Variants in WASHC2A observed in about 807,000 individuals in gnomAD.
WASHC2A encodes the protein WASH complex subunit FAM21A.
A neutral mutation model predicts 140.3 loss-of-function variants in WASHC2A; 82 were observed. The ratio of observed to expected loss-of-function variants is 0.58; its 90% CI spans 0.49 to 0.70. The LOEUF (loss-of-function observed/expected upper bound fraction) is 0.70, where lower values mean the gene tolerates loss of function less well. Among genes scored for constraint, WASHC2A ranks in the 30% least tolerant of loss-of-function variants. WASHC2A has a pLI of 0.00. For missense variants in WASHC2A, 985 were observed against 1,521.8 expected (o/e 0.65, Z 5.87); for synonymous variants, 340 against 560.8 (o/e 0.61, Z 5.56).
chr10:50,129,801 A>G lies in WASHC2A; in HGVS notation c.3470A>G (p.Asn1157Ser). ...AAACCCAAGGCAAAGATAGCAGAGA[A>G]TCCTGCCAACCCACCAGTGGGTGGT... is the stretch of plus-strand genomic sequence containing the variant. ...RTKPKAKIAE[N>S]PANPPVGGKA... Residue 1157 changes from asparagine to serine, a missense_variant, in exon 29 of 31, where the codon AAT becomes AGT. Coordinates refer to ENST00000282633, the MANE Select transcript of WASHC2A (RefSeq NM_001005751.3). 1 of 1,612,064 alleles carries G rather than the reference A, an allele frequency of 6.2e-7. No homozygotes were observed. The highest frequency in any genetic ancestry group is 8.5e-7 in the Non-Finnish European group (1 of 1,179,860).
At chr10:50,098,092 T>G (rs1840670809) in intron 16 of WASHC2A, among the ~76,000 whole-genome samples, 1 of 151,948 alleles carries the variant, frequency 6.6e-6, no homozygotes, top group South Asian at 2.1e-4. Context: ...ACTGTTTCCA[T>G]GTAGTCATTG....
Position 50,095,201 on chromosome 10 carries a change from T to G in WASHC2A, c.1234T>G (p.Phe412Val), listed in dbSNP as rs781836075. The change falls in exon 14 of 31, where the codon TTT becomes GTT. Residue 412 changes from phenylalanine to valine, a missense_variant. Transcript: ENST00000282633. ...KKIPAGAVSV[F>V]LGDTDVFGAA... is the part of the protein sequence containing the mutation. ...AATCCCAGCAGGAGCTGTTTCTGTA[T>G]TTTTAGGTAACATAACTTAGGTTTG... 110 of 1,581,892 alleles carry G rather than the reference T, an allele frequency of 7.0e-5. No individual in the cohort carries two copies. Among genetic ancestry groups the G allele is most frequent in the Admixed American group, 1.1e-4 (6 of 55,350 alleles).
At chr10:50,106,019 G>A (rs1841738335) in intron 18 of WASHC2A, among the ~76,000 whole-genome samples, 1 of 152,202 alleles carries the variant, frequency 6.6e-6, no homozygotes. Flanking sequence ...GAAATGAGCA[G>A]AGAGGCACTT....
chr10:50,104,169 A>T, intron 18 of WASHC2A, 26 bp downstream of exon 18: 38 of 1,542,328 alleles, frequency 2.5e-5, no homozygotes, highest in Non-Finnish European at 3.3e-5. Context: ...GTAACACTAG[A>T]TAATTTAGAT....
intron 23 of WASHC2A, among the ~76,000 whole-genome samples, chr10:50,124,536 A>C (rs1843259506): frequency 6.6e-6 from 1 of 152,212 alleles, no homozygotes; most frequent in Non-Finnish European, 1.5e-5. Context: ...CTAGTAAACA[A>C]AAAGGGACTC....
At chr10:50,121,239 A>C (rs1842993557) in intron 23 of WASHC2A, among the ~76,000 whole-genome samples, 1 of 150,382 alleles carries the variant, frequency 6.6e-6, no homozygotes, top group East Asian at 1.9e-4. Context: ...GATCTTTTAT[A>C]TAGAAAGTCT....
chr10:50,093,396 T>C lies in WASHC2A; in HGVS notation c.1122+10T>C. ...TGATGAGGACGAGGAGGTGAGTCCA[T>C]GGCACCCAGCAACACTCCCTGCAGC... is the stretch of plus-strand genomic sequence containing the variant. On this transcript the variant is annotated intron_variant, in intron 12 of 30. Transcript: ENST00000282633. 7.2e-7 allele frequency: 1 copy of C among 1,398,568 alleles called. No individual in the cohort carries two copies. 86.6% of individuals were successfully genotyped at this position (1,398,568 alleles called of 1,614,324 possible). A position where few individuals can be genotyped will look rare whatever the true frequency, so the allele number is the denominator to read the frequency against.
chr10:50,104,178 A>G (rs1554887792), intron 18 of WASHC2A, 35 bp downstream of exon 18: 1 of 1,555,368 alleles, frequency 6.4e-7, no homozygotes, highest in African/African-American at 1.4e-5. Flanking sequence ...GATAATTTAG[A>G]TTAGGAGAAA....
At chr10:50,109,697 T>G (rs1473822696) in intron 19 of WASHC2A, among the ~76,000 whole-genome samples, 1 of 152,220 alleles carries the variant, frequency 6.6e-6, no homozygotes, top group Non-Finnish European at 1.5e-5. Context: ...AATACTTAGT[T>G]TAAATACAAC....
At position 50,097,919 on chromosome 10, in the gene WASHC2A, A is replaced by G; in HGVS notation, c.1548+117A>G. On this transcript the variant is annotated intron_variant, in intron 16 of 30. Transcript: ENST00000282633. ...ACGTTCATATTGAAGAACTTCAAACAGAAAGTGGAAAGAACATTGCAGTGA... is the reference window on the plus strand; with the variant it reads ...ACGTTCATATTGAAGAACTTCAAACGGAAAGTGGAAAGAACATTGCAGTGA... 7.2e-6 allele frequency: 11 copies of G among 1,523,054 alleles called. No individual in the cohort carries two copies. The South Asian group carries it at 1.3e-4, about 18-fold the overall frequency. The allele number at this position is 1,523,054 out of a possible 1,614,324, so 94.3% of individuals were successfully genotyped here. A position where few individuals can be genotyped will look rare whatever the true frequency, so the allele number is the denominator to read the frequency against.
Position 50,076,871 on chromosome 10 carries a change from A to C in WASHC2A, c.292-1804A>C, listed in dbSNP as rs1418022851. ...GGTGGCTCACACCTGTAATCCCAGC[A>C]CTTTGGGAGGCTGAGGTGGGCGAAT... On this transcript the variant is annotated intron_variant, in intron 3 of 30. Transcript: ENST00000282633. Among the ~76,000 whole-genome samples the C allele has an allele frequency of 1.2e-4, 18 of 151,294 alleles. 1 individual carries two copies. Among genetic ancestry groups the C allele is most frequent in the African/African-American group, 3.9e-4 (16 of 41,158 alleles).
intron 30 of WASHC2A, 48 bp from the exon 31 acceptor site, chr10:50,132,758 C>G: frequency 6.2e-7 from 1 of 1,612,038 alleles, no homozygotes. Flanking sequence ...TTAAAAGTAC[C>G]TTTCTCCACC....
chr10:50,085,149 C>T (rs1405807542), intron 6 of WASHC2A, among the ~76,000 whole-genome samples: 2 of 79,526 alleles, frequency 2.5e-5, no homozygotes, highest in South Asian at 5.2e-4. Context: ...TTCTGTGGTC[C>T]GGGACTCAAT....
intron 20 of WASHC2A, among the ~76,000 whole-genome samples, chr10:50,110,639 T>A (rs1358300980): frequency 6.6e-6 from 1 of 152,150 alleles, no homozygotes; most frequent in African/African-American, 2.4e-5. Context: ...ATGCCTGTAA[T>A]CCCAGCACTT....
chr10:50,078,585 T>C (rs1838595014), intron 3 of WASHC2A, 90 bp from the exon 4 acceptor site: 1 of 1,611,740 alleles, frequency 6.2e-7, no homozygotes. Flanking sequence ...TTCCCCATCT[T>C]TGTCCTTAGT....
chr10:50,090,515 A>AAAATATATATATATATATATAT (rs1214596899), intron 8 of WASHC2A, among the ~76,000 whole-genome samples: 12 of 108,730 alleles, frequency 1.1e-4, no homozygotes, highest in African/African-American at 3.9e-4. Context: ...AAAAAAAAAA[A>AAAATATATATATATATATATAT]ATATATATAT....
At position 50,132,905 on chromosome 10, in the gene WASHC2A, A is replaced by G. The variant is rs1203844965; in HGVS notation, c.3986A>G (p.Asn1329Ser). The G allele has an allele frequency of 2.5e-6, 4 of 1,612,024 alleles. No individual in the cohort carries two copies. The highest frequency in any genetic ancestry group is 3.4e-6 in the Non-Finnish European group (4 of 1,179,840). The change falls in exon 31 of 31, where the codon AAC becomes AGC. Residue 1329 changes from asparagine to serine, a missense_variant. Transcript: ENST00000282633. Reference protein sequence around the residue: ...PEPRFEHKVSNIFDDPLNAFG... With the variant: ...PEPRFEHKVSSIFDDPLNAFG... ...CCAAGATTTGAACACAAGGTGTCCA[A>G]CATCTTTGATGATCCCCTGAATGCC...
chr10:50,101,477 A>G (rs1841165722), intron 17 of WASHC2A, among the ~76,000 whole-genome samples: 1 of 152,302 alleles, frequency 6.6e-6, no homozygotes, highest in Non-Finnish European at 1.5e-5. Context: ...GGGACAGTGT[A>G]TATTTACTTA....
chr10:50,090,806 G>T lies in WASHC2A; in HGVS notation c.763G>T (p.Asp255Tyr). The change falls in exon 9 of 31, where the codon GAT becomes TAT. Residue 255 changes from aspartate (D) to tyrosine (Y), a missense_variant. Asp to Tyr is a radical substitution (Grantham distance 160, BLOSUM62 -3). Coordinates refer to ENST00000282633, the MANE Select transcript of WASHC2A (RefSeq NM_001005751.3). The part of the protein sequence containing the change: ...HTTQMSDEEE[D>Y]DDGCDLFADS... ...CACACAAATGAGTGATGAGGAAGAG[G>T]ATGATGATGGCTGTGACCTTTTCGC... 6 of 1,611,508 alleles carry T rather than the reference G, an allele frequency of 3.7e-6. No individual in the cohort carries two copies. The highest frequency in any genetic ancestry group is 5.1e-6 in the Non-Finnish European group (6 of 1,179,774).
Sources: gnomAD v4.1 joint callset for allele counts (sites outside exome capture counted in the v4.1 genomes callset) on GRCh38, gnomAD v4.1.1 for gene constraint, MANE v1.5 for transcripts, NCBI Gene and HGNC (gene_info 2026-07-23, HGNC 2026-07-21) for gene names.